DCN: variants seen among roughly 807,000 people sequenced by gnomAD.
The protein encoded by DCN is bone proteoglycan II.
In DCN, 17 loss-of-function variants were observed where a neutral mutation model predicts 36.5. That is an observed-to-expected ratio of 0.47 (90% CI 0.32 to 0.70). The LOEUF (loss-of-function observed/expected upper bound fraction) is 0.70, where lower values mean the gene tolerates loss of function less well. Ranked by LOEUF, DCN falls within the 30% of genes least tolerant of loss-of-function variation. DCN has a pLI of 0.04. For synonymous variants in DCN, 163 were observed against 161.4 expected (o/e 1.01, Z -0.07); for missense variants, 389 against 430.1 (o/e 0.90, Z 0.84).
At position 91,170,926 on chromosome 12, in the gene DCN, TTAAA is replaced by T. The variant is rs200549603; in HGVS notation, c.212-6213_212-6210del. On this transcript the variant is annotated intron_variant, in intron 2 of 7. Transcript: ENST00000052754. ...TATCCTACCTTAATTTTTTTAACTTTTAAATAAACAAATTTAAATTCTGCCTTTA... is the reference window on the plus strand; with the variant it reads ...TATCCTACCTTAATTTTTTTAACTTTTAAACAAATTTAAATTCTGCCTTTA... 9.7e-3 allele frequency among the ~76,000 whole-genome samples: 1,474 copies of T among 152,332 alleles called. 15 individuals are homozygous for T. The highest frequency in any genetic ancestry group is 0.013 in the Non-Finnish European group (884 of 68,030).
rs530128509 is a variant in DCN at position 91,149,787 on chromosome 12, T to C, written c.885+1867A>G. Among the ~76,000 whole-genome samples the C allele has an allele frequency of 9.2e-4, 140 of 152,280 alleles. 1 individual carries two copies. The highest frequency in any genetic ancestry group is 3.3e-3 in the African/African-American group (136 of 41,556). ...TATATAAACATCAATTGTATGTTTA[T>C]ACATTAGCAGCAAACAAATAAAAAA... is the stretch of plus-strand genomic sequence containing the variant. On this transcript the variant is annotated intron_variant, in intron 7 of 7. Coordinates refer to ENST00000052754, the MANE Select transcript of DCN (RefSeq NM_001920.5).
intron 2 of DCN, chr12:91,177,615 A>G (rs1359799829): frequency 5.7e-6 from 4 of 702,434 alleles, no homozygotes; most frequent in South Asian, 1.5e-5. Flanking sequence ...GAATTTCCAG[A>G]CCAAATTTTT....
chr12:91,164,089 C>T (rs1188809343), intron 3 of DCN, among the ~76,000 whole-genome samples: 6 of 152,098 alleles, frequency 3.9e-5, no homozygotes, highest in African/African-American at 1.4e-4. Context: ...TTCCCTACCA[C>T]TGCTAAAAAG....
At chr12:91,158,227 A>C in intron 4 of DCN, 69 bp downstream of exon 4, 1 of 1,009,452 alleles carries the variant, frequency 9.9e-7, no homozygotes. Context: ...TCCTGCACTT[A>C]AAACCCAGTT....
chr12:91,148,829 A>C (rs1881221566), intron 7 of DCN, among the ~76,000 whole-genome samples: 1 of 152,028 alleles, frequency 6.6e-6, no homozygotes, highest in African/African-American at 2.4e-5. Context: ...AGGGCTGAAA[A>C]GCGAATTAGT....
At chr12:91,163,046 G>T (rs1882261396) in intron 3 of DCN, among the ~76,000 whole-genome samples, 2 of 152,218 alleles carry the variant, frequency 1.3e-5, no homozygotes, top group South Asian at 4.1e-4. Flanking sequence ...TAGACACAGT[G>T]AGATTTCCAG....
At position 91,158,486 on chromosome 12, in the gene DCN, TTTA is replaced by T; in HGVS notation, c.345_347del (p.Asn115del). On this transcript the variant is annotated inframe_deletion, in exon 4 of 8. Transcript: ENST00000052754. ...ATGCTCCAGGACTAACTTTGCTAAT[TTTA>T]TTGTTGACAAGAATCAATGCCTGTA... 6.3e-7 allele frequency: 1 copy of T among 1,594,966 alleles called. No individual in the cohort carries two copies. The highest frequency in any genetic ancestry group is 8.6e-7 in the Non-Finnish European group (1 of 1,162,580).
intron 2 of DCN, chr12:91,176,544 A>C: frequency 6.6e-6 from 1 of 152,132 alleles, no homozygotes; most frequent in East Asian, 1.9e-4. Context: ...CAATTGACTT[A>C]TGCCTTTTTA....
In DCN at chr12:91,164,686, AG is replaced by A; in HGVS notation, c.242del (p.Pro81LeufsTer6). 2 of 1,611,898 alleles carry A rather than the reference AG, an allele frequency of 1.2e-6. No homozygotes were observed. The highest frequency in any genetic ancestry group is 1.7e-6 in the Non-Finnish European group (2 of 1,178,000). ...TTTGCAGGTCTAGCAGAGTTGTGTC[AG>A]GGGGAAGATCCTTTGGCACTTTGTC... ...GLDKVPKDLPPDTTLLDLQNN... is the reference protein window; with the variant it reads ...GLDKVPKDLPXDTTLLDLQNN... On this transcript the variant is annotated frameshift_variant, in exon 3 of 8. Coordinates refer to ENST00000052754, the MANE Select transcript of DCN (RefSeq NM_001920.5). LOFTEE classifies it high-confidence loss of function.
At chr12:91,167,472 G>GACACACAC (rs34663648) in intron 2 of DCN, among the ~76,000 whole-genome samples, 4 of 145,126 alleles carry the variant, frequency 2.8e-5, no homozygotes. Flanking sequence ...CAGACAGACA[G>GACACACAC]ACACACACAC....
intron 7 of DCN, among the ~76,000 whole-genome samples, chr12:91,149,142 G>GAA (rs150662094): frequency 2.7e-5 from 4 of 150,238 alleles, no homozygotes; most frequent in African/African-American, 9.8e-5. Flanking sequence ...TTCATCATAA[G>GAA]AAAAAAAAAT....
intron 2 of DCN, among the ~76,000 whole-genome samples, chr12:91,168,946 C>A (rs1258336309): frequency 6.6e-6 from 1 of 152,152 alleles, no homozygotes; most frequent in Non-Finnish European, 1.5e-5. Context: ...TATATTTCTC[C>A]TGGAAAAGCA....
At position 91,140,721 on chromosome 12, in the gene DCN, C is replaced by T. The variant is rs1281962973; in HGVS notation, c.*5337G>A. On this transcript the variant is annotated 3_prime_UTR_variant, in exon 8 of 8. Transcript: ENST00000052754. ...AGCTCCAAAATTCTAGATCTAAATC[C>T]TCCTTGACACCTCCATATGGAAGTT... 6.6e-6 allele frequency: 1 copy of T among 152,168 alleles called. No individual in the cohort carries two copies. Among genetic ancestry groups the T allele is most frequent in the Non-Finnish European group, 1.5e-5 (1 of 68,026 alleles). The allele number at this position is 152,168 out of a possible 1,614,324, so 9.4% of individuals were successfully genotyped here. A position where few individuals can be genotyped will look rare whatever the true frequency, so the allele number is the denominator to read the frequency against.
In DCN at chr12:91,143,031, T is replaced by A. The variant is rs1487780319; in HGVS notation, c.*3027A>T. 6.6e-6 allele frequency: 1 copy of A among 152,082 alleles called. No homozygotes were observed. The highest frequency in any genetic ancestry group is 1.5e-5 in the Non-Finnish European group (1 of 68,030). 9.4% of individuals were successfully genotyped at this position (152,082 alleles called of 1,614,324 possible). A position where few individuals can be genotyped will look rare whatever the true frequency, so the allele number is the denominator to read the frequency against. ...AATTAGGGTGAGCCTTAATCCAATATAACTCATGTTCATAGAAGAAGAAGA... is the reference window on the plus strand; with the variant it reads ...AATTAGGGTGAGCCTTAATCCAATAAAACTCATGTTCATAGAAGAAGAAGA... On this transcript the variant is annotated 3_prime_UTR_variant, in exon 8 of 8. Coordinates refer to ENST00000052754, the MANE Select transcript of DCN (RefSeq NM_001920.5).
At chr12:91,153,770 A>C (rs1026015568) in intron 5 of DCN, among the ~76,000 whole-genome samples, 4 of 152,036 alleles carry the variant, frequency 2.6e-5, no homozygotes, top group Admixed American at 1.3e-4. Context: ...TAAATCCAGA[A>C]TGTTTATGCA....
intron 2 of DCN, among the ~76,000 whole-genome samples, chr12:91,166,758 A>C (rs3138212): frequency 6.6e-6 from 1 of 152,128 alleles, no homozygotes; most frequent in East Asian, 1.9e-4. Context: ...ATTTATATAC[A>C]TCTTATTTCT....
intron 3 of DCN, 73 bp downstream of exon 3, chr12:91,164,532 C>T: frequency 1.3e-6 from 1 of 790,660 alleles, no homozygotes. Context: ...GTACTCTTGG[C>T]CTTATCTAGG....
At chr12:91,178,252 G>A in intron 2 of DCN, 90 bp downstream of exon 2, 1 of 1,171,214 alleles carries the variant, frequency 8.5e-7, no homozygotes. Flanking sequence ...AATTTAGAGA[G>A]ATTAAAACTG....
intron 2 of DCN, among the ~76,000 whole-genome samples, chr12:91,171,038 A>G (rs1565786702): frequency 6.6e-6 from 1 of 152,186 alleles, no homozygotes; most frequent in Non-Finnish European, 1.5e-5. Context: ...TATTCATAAA[A>G]TGATATAAAA....
Sources: gnomAD v4.1 joint callset for allele counts (sites outside exome capture counted in the v4.1 genomes callset) on GRCh38, gnomAD v4.1.1 for gene constraint, MANE v1.5 for transcripts, NCBI Gene and HGNC (gene_info 2026-07-23, HGNC 2026-07-21) for gene names.